Variants in ROBO1 observed in about 807,000 individuals in gnomAD.
ROBO1 encodes the protein roundabout homolog 1.
ROBO1 carries 149 observed loss-of-function variants against 195.9 expected under a neutral mutation model. The ratio of observed to expected loss-of-function variants is 0.76; its 90% confidence interval spans 0.67 to 0.87. The LOEUF is 0.87. Among genes scored for constraint, ROBO1 ranks in the 40% least tolerant of loss-of-function variants. ROBO1 has a pLI of 0.00. For missense variants in ROBO1, 1,933 were observed against 2,068.3 expected (o/e 0.93, Z 1.27); for synonymous variants, 816 against 733.2 (o/e 1.11, Z -1.82).
intron 3 of ROBO1, among the ~76,000 whole-genome samples, chr3:79,028,532 C>T (rs1357032743): frequency 6.6e-6 from 1 of 151,892 alleles, no homozygotes; most frequent in Non-Finnish European, 1.5e-5. Flanking sequence ...TAATCTGATT[C>T]TTTAAAGTTA....
chr3:79,436,048 G>C (rs555399047), intron 2 of ROBO1, among the ~76,000 whole-genome samples: 2 of 152,168 alleles, frequency 1.3e-5, no homozygotes, highest in Admixed American at 6.5e-5. Context: ...ACAGTTAATA[G>C]CTCTATATGC....
rs548542853 is a variant in ROBO1, at chr3:79,149,084, TTGAGAG to T, written c.89-23551_89-23546del. Among the ~76,000 whole-genome samples the T allele has an allele frequency of 1.8e-4, 27 of 152,042 alleles. No homozygotes were observed. The East Asian group carries it at 5.3e-3, about 30-fold the overall frequency. On this transcript the variant is annotated intron_variant, in intron 2 of 30. Transcript: ENST00000464233. ...TGCTGATACATTGGTAGCCTCAATGTTGAGAGTACTTAAATGAAAATCAGTAAATAT... is the reference window on the plus strand; with the variant it reads ...TGCTGATACATTGGTAGCCTCAATGTTACTTAAATGAAAATCAGTAAATAT...
chr3:78,710,552 TA>T (rs1212854926), intron 8 of ROBO1, among the ~76,000 whole-genome samples: 1 of 152,192 alleles, frequency 6.6e-6, no homozygotes, highest in East Asian at 1.9e-4. Context: ...ATTTACAAAA[TA>T]TGTACTGTAT....
intron 2 of ROBO1, among the ~76,000 whole-genome samples, chr3:79,586,440 G>A (rs941548580): frequency 6.6e-6 from 1 of 151,808 alleles, no homozygotes; most frequent in African/African-American, 2.4e-5. Flanking sequence ...GTTGACATGA[G>A]TCAGGGACAA....
intron 2 of ROBO1, among the ~76,000 whole-genome samples, chr3:79,320,078 A>G (rs1343139303): frequency 2.6e-5 from 4 of 152,196 alleles, no homozygotes; most frequent in African/African-American, 9.6e-5. Context: ...ACAAAGTACC[A>G]TAGACCATGG....
intron 1 of ROBO1, among the ~76,000 whole-genome samples, chr3:79,729,068 T>C (rs531609528): frequency 1.0e-3 from 158 of 152,352 alleles, no homozygotes; most frequent in African/African-American, 3.5e-3. Flanking sequence ...TAGCACATTT[T>C]ATTTGAGAAT....
intron 1 of ROBO1, among the ~76,000 whole-genome samples, chr3:79,687,166 G>A (rs555122662): frequency 1.3e-5 from 2 of 152,330 alleles, no homozygotes; most frequent in South Asian, 4.1e-4. Flanking sequence ...CTAGCCATAT[G>A]TAGAAAGCTG....
chr3:78,996,829 G>GTATACACA (rs997700845), intron 3 of ROBO1, among the ~76,000 whole-genome samples: 5 of 152,110 alleles, frequency 3.3e-5, no homozygotes, highest in African/African-American at 1.2e-4. Flanking sequence ...AAGCATGTGT[G>GTATACACA]TATACACATA....
At chr3:78,925,277 AG>A (rs1355646790) in intron 4 of ROBO1, among the ~76,000 whole-genome samples, 1 of 152,182 alleles carries the variant, frequency 6.6e-6, no homozygotes, top group Non-Finnish European at 1.5e-5. Context: ...ATTCTACTTA[AG>A]GTTCACTAAA....
intron 8 of ROBO1, among the ~76,000 whole-genome samples, chr3:78,691,562 T>C (rs537025220): frequency 7.9e-5 from 12 of 152,296 alleles, no homozygotes; most frequent in South Asian, 2.1e-4. Flanking sequence ...ATAATGGTAA[T>C]GTCAACATCC....
chr3:79,010,280 A>C (rs2077742809), intron 3 of ROBO1, among the ~76,000 whole-genome samples: 1 of 152,132 alleles, frequency 6.6e-6, no homozygotes, highest in Non-Finnish European at 1.5e-5. Flanking sequence ...GAATTCTGAG[A>C]TGAGACAGGC....
At chr3:78,950,601 A>ATG (rs1036369223) in intron 3 of ROBO1, among the ~76,000 whole-genome samples, 61 of 151,818 alleles carry the variant, frequency 4.0e-4, no homozygotes, top group Non-Finnish European at 7.7e-4. Flanking sequence ...AACATGGCAC[A>ATG]TGTATACATA....
chr3:79,264,293 C>T lies in ROBO1; in HGVS notation c.89-138754G>A, dbSNP rs1331255864. Reference sequence around the variant, plus strand: ...TCTTTCTGAGAGAAAGAATATCCTGCTTCATCTCAATCTCTCACAAAGCTA... The same window carrying T: ...TCTTTCTGAGAGAAAGAATATCCTGTTTCATCTCAATCTCTCACAAAGCTA... On this transcript the variant is annotated intron_variant, in intron 2 of 30. Coordinates refer to ENST00000464233, the MANE Select transcript of ROBO1 (RefSeq NM_002941.4). Among the ~76,000 whole-genome samples, 32 of 151,172 alleles carry T rather than the reference C, an allele frequency of 2.1e-4. No individual in the cohort carries two copies. The Admixed American group carries it at 2.1e-3, about 10-fold the overall frequency.
chr3:78,670,191 T>C lies in ROBO1; in HGVS notation c.1453A>G (p.Thr485Ala). The change falls in exon 11 of 31, where the codon ACC (threonine) becomes GCC (alanine). Residue 485 changes from threonine to alanine, a missense_variant. This residue lies in a region of ROBO1 where 1,737 missense variants were observed against 1,882.5 expected (regional missense o/e 0.92). Transcript: ENST00000464233. ...SCVATGSPVP[T>A]ILWRKDGVLV... ...ACTCCATCCTTTCTCCACAGAATGG[T>C]GGGCACTGGACTGCCTGTGGCCACA... The C allele has an allele frequency of 6.2e-7, 1 of 1,611,914 alleles. No homozygotes were observed. The highest frequency in any genetic ancestry group is 8.5e-7 in the Non-Finnish European group (1 of 1,179,068).
At chr3:79,457,069 C>G (rs2039640240) in intron 2 of ROBO1, among the ~76,000 whole-genome samples, 1 of 152,096 alleles carries the variant, frequency 6.6e-6, no homozygotes, top group Admixed American at 6.6e-5. Flanking sequence ...ATTCTCAAAG[C>G]ATAAACTCAC....
chr3:79,369,686 T>C (rs916636710), intron 2 of ROBO1, among the ~76,000 whole-genome samples: 2 of 152,138 alleles, frequency 1.3e-5, no homozygotes, highest in East Asian at 3.9e-4. Context: ...TTCTTTTTTT[T>C]TTTTCTTTTG....
At chr3:79,610,641 T>C (rs1361241778) in intron 1 of ROBO1, among the ~76,000 whole-genome samples, 3 of 152,004 alleles carry the variant, frequency 2.0e-5, no homozygotes, top group Admixed American at 6.6e-5. Context: ...CAGAAGTTCA[T>C]GTTCTGTGAG....
chr3:79,552,261 T>A lies in ROBO1; in HGVS notation c.88+37563A>T, dbSNP rs531891879. The stretch of plus-strand genomic sequence containing the variant: ...ATCTCTTGAATATTCATTCTGAATA[T>A]TAACATATTAAAGATGCAGAAAAGA... On this transcript the variant is annotated intron_variant, in intron 2 of 30. Coordinates refer to ENST00000464233, the MANE Select transcript of ROBO1 (RefSeq NM_002941.4). Among the ~76,000 whole-genome samples, 36 of 152,152 alleles carry A rather than the reference T, an allele frequency of 2.4e-4. No individual in the cohort carries two copies. The South Asian group carries it at 6.8e-3, about 29-fold the overall frequency.
intron 2 of ROBO1, among the ~76,000 whole-genome samples, chr3:79,215,566 A>G (rs1423555270): frequency 6.6e-6 from 1 of 152,188 alleles, no homozygotes; most frequent in African/African-American, 2.4e-5. Context: ...AACATTCTCC[A>G]GGACATCAAG....
Sources: allele counts gnomAD v4.1 joint callset (sites outside exome capture counted in the v4.1 genomes callset), GRCh38; gene constraint gnomAD v4.1.1; regional missense constraint gnomAD v4.1.1; transcripts MANE v1.5; gene names NCBI Gene and HGNC (gene_info 2026-07-23, HGNC 2026-07-21).